AGTPBP1: variants seen among roughly 807,000 people sequenced by gnomAD.
The protein encoded by AGTPBP1 is cytosolic carboxypeptidase 1.
AGTPBP1 carries 70 observed loss-of-function variants against 143.9 expected under a neutral mutation model. The ratio of observed to expected loss-of-function variants is 0.49; its 90% confidence interval spans 0.40 to 0.59. The LOEUF is 0.59. Among genes scored for constraint, AGTPBP1 ranks in the 20% least tolerant of loss-of-function variants. The pLI is 0.00. For synonymous variants in AGTPBP1, 463 were observed against 500.2 expected (o/e 0.93, Z 0.99); for missense variants, 1,229 against 1,464.5 (o/e 0.84, Z 2.62).
the AGTPBP1 span, among the ~76,000 whole-genome samples, chr9:85,784,354 T>A: frequency 6.6e-6 from 1 of 152,222 alleles, no homozygotes; most frequent in Non-Finnish European, 1.5e-5. Flanking sequence ...TCTTTTCTTA[T>A]GATCTTTTGA....
intron 25 of AGTPBP1, among the ~76,000 whole-genome samples, chr9:85,556,863 A>C (rs1374993297): frequency 6.6e-6 from 1 of 152,186 alleles, no homozygotes; most frequent in Admixed American, 6.5e-5. Context: ...TGATAGGGGA[A>C]ACCTGAAAAC....
At chr9:85,579,510 A>G (rs914982416) in intron 23 of AGTPBP1, among the ~76,000 whole-genome samples, 2 of 151,972 alleles carry the variant, frequency 1.3e-5, no homozygotes, top group African/African-American at 4.8e-5. Flanking sequence ...AACTACCCCC[A>G]AAGTTTTCTG....
intron 19 of AGTPBP1, among the ~76,000 whole-genome samples, 187 bp downstream of exon 19, chr9:85,592,369 TTAAC>T (rs1829025005): frequency 6.6e-6 from 1 of 152,090 alleles, no homozygotes; most frequent in Admixed American, 6.6e-5. Flanking sequence ...TATGTTATAT[TTAAC>T]TAAACTTAAT....
chr9:85,625,890 A>G (rs1052022687), intron 14 of AGTPBP1, among the ~76,000 whole-genome samples: 2 of 145,622 alleles, frequency 1.4e-5, no homozygotes, highest in African/African-American at 5.2e-5. Flanking sequence ...GTCTCAAAAA[A>G]AAAACCTAGT....
chr9:85,697,445 GTT>G (rs758082233), intron 2 of AGTPBP1, among the ~76,000 whole-genome samples: 25 of 65,056 alleles, frequency 3.8e-4, no homozygotes, highest in South Asian at 2.5e-3. Flanking sequence ...TTTGTTTTTT[GTT>G]TTTTTTTTTT....
intron 6 of AGTPBP1, among the ~76,000 whole-genome samples, chr9:85,676,428 G>A (rs1834834784): frequency 6.6e-6 from 1 of 151,902 alleles, no homozygotes; most frequent in African/African-American, 2.4e-5. Flanking sequence ...ATATATAAAT[G>A]GGCAATGGGT....
At chr9:85,548,970 C>T (rs1004414070) in intron 25 of AGTPBP1, among the ~76,000 whole-genome samples, 2 of 152,080 alleles carry the variant, frequency 1.3e-5, no homozygotes, top group Admixed American at 6.5e-5. Context: ...CCACCACACC[C>T]GACCTTATTT....
At chr9:85,749,807 A>G in the AGTPBP1 span, among the ~76,000 whole-genome samples, 1 of 152,214 alleles carries the variant, frequency 6.6e-6, no homozygotes, top group African/African-American at 2.4e-5. Context: ...AATATGTATA[A>G]CAAAAATTAC....
chr9:85,794,114 A>G, the AGTPBP1 span, among the ~76,000 whole-genome samples: 1 of 152,178 alleles, frequency 6.6e-6, no homozygotes, highest in Admixed American at 6.5e-5. Context: ...TCAGATGGAA[A>G]TAAGTTTCTG....
chr9:85,793,151 CT>C, the AGTPBP1 span, among the ~76,000 whole-genome samples: 1 of 152,110 alleles, frequency 6.6e-6, no homozygotes, highest in Admixed American at 6.6e-5. Context: ...ATGTTTTTTA[CT>C]GGATCTTTGG....
At position 85,655,368 on chromosome 9, in the gene AGTPBP1, C is replaced by T; in HGVS notation, c.910-48G>A. On this transcript the variant is annotated intron_variant, in intron 10 of 25. Coordinates refer to ENST00000357081, the MANE Select transcript of AGTPBP1 (RefSeq NM_001330701.2). ...GAAAAAGAATGTTTTTGATGAATAA[C>T]TGAACCAATTTTACTTTAGTTCAAA... The T allele has an allele frequency of 2.8e-6, 4 of 1,430,382 alleles. No homozygotes were observed. In the South Asian group the frequency reaches 5.9e-5, roughly 21 times the overall value. The allele number at this position is 1,430,382 out of a possible 1,614,324, so 88.6% of individuals were successfully genotyped here. A position where few individuals can be genotyped will look rare whatever the true frequency, so the allele number is the denominator to read the frequency against.
At chr9:85,601,447 G>A (rs1829663518) in intron 17 of AGTPBP1, among the ~76,000 whole-genome samples, 2 of 152,150 alleles carry the variant, frequency 1.3e-5, no homozygotes, top group Non-Finnish European at 2.9e-5. Context: ...ACCAGCGCTG[G>A]CACCTGAGCA....
At chr9:85,801,411 C>A in the AGTPBP1 span, among the ~76,000 whole-genome samples, 2 of 152,110 alleles carry the variant, frequency 1.3e-5, no homozygotes, top group East Asian at 1.9e-4. Flanking sequence ...GTGTAATAAT[C>A]ACATCATGTA....
At chr9:85,753,055 C>T in the AGTPBP1 span, among the ~76,000 whole-genome samples, 1 of 152,082 alleles carries the variant, frequency 6.6e-6, no homozygotes, top group African/African-American at 2.4e-5. Context: ...ACATTATTTT[C>T]TTCTCAAATA....
At chr9:85,638,391 A>T (rs1832225969) in intron 13 of AGTPBP1, among the ~76,000 whole-genome samples, 2 of 152,098 alleles carry the variant, frequency 1.3e-5, no homozygotes, top group South Asian at 4.1e-4. Context: ...TTTTCAAACT[A>T]GTAATAGGGA....
chr9:85,792,123 C>T, the AGTPBP1 span: 1 of 151,962 alleles, frequency 6.6e-6, no homozygotes, highest in African/African-American at 2.4e-5. Context: ...TTTTGTCTAC[C>T]GAAAAACCTG....
intron 13 of AGTPBP1, among the ~76,000 whole-genome samples, chr9:85,634,266 C>A (rs1363444197): frequency 6.7e-6 from 1 of 149,446 alleles, no homozygotes; most frequent in Admixed American, 6.7e-5. Context: ...ACCAAGAGAG[C>A]AGAGGTAGGT....
the AGTPBP1 span, among the ~76,000 whole-genome samples, chr9:85,778,721 C>G: frequency 6.6e-6 from 1 of 152,152 alleles, no homozygotes; most frequent in Admixed American, 6.6e-5. Flanking sequence ...TATCCTTCAC[C>G]TTAGAAGGAA....
the AGTPBP1 span, among the ~76,000 whole-genome samples, chr9:85,754,137 T>C: frequency 6.6e-6 from 1 of 152,216 alleles, no homozygotes; most frequent in Non-Finnish European, 1.5e-5. Flanking sequence ...TTGTAGAATA[T>C]AAACATGAAA....
Sources: gnomAD v4.1 joint callset for allele counts (sites outside exome capture counted in the v4.1 genomes callset) on GRCh38, gnomAD v4.1.1 for gene constraint, MANE v1.5 for transcripts, NCBI Gene and HGNC (gene_info 2026-07-23, HGNC 2026-07-21) for gene names.